The following PTGER3 variants were observed in gnomAD, a reference collection of about 807,000 sequenced individuals.
PTGER3 encodes prostaglandin E2 receptor EP3 subtype.
In PTGER3, 22 loss-of-function variants were observed where a neutral mutation model predicts 34.7. That is an observed-to-expected ratio of 0.63 (90% confidence interval 0.45 to 0.91). The LOEUF (loss-of-function observed/expected upper bound fraction) is 0.91, where lower values mean the gene tolerates loss of function less well. Ranked by LOEUF, PTGER3 falls within the 40% of genes least tolerant of loss-of-function variation. The pLI is 0.00. For synonymous variants in PTGER3, 241 were observed against 230.1 expected (o/e 1.05, Z -0.43); for missense variants, 468 against 519.4 (o/e 0.90, Z 0.96).
intron 4 of PTGER3, among the ~76,000 whole-genome samples, chr1:70,889,243 G>A (rs886218642): frequency 6.6e-6 from 1 of 151,660 alleles, no homozygotes; most frequent in African/African-American, 2.4e-5. Context: ...GTGAAACCCC[G>A]TCTCTACTAA....
Position 71,046,907 on chromosome 1 carries a change from T to A in PTGER3, c.671A>T (p.Asn224Ile), listed in dbSNP as rs1409421587. 6.2e-7 allele frequency: 1 copy of A among 1,612,078 alleles called. No individual in the cohort carries two copies. The highest frequency in any genetic ancestry group is 8.5e-7 in the Non-Finnish European group (1 of 1,179,160). ...RGGNGTSSSHNWGNLFFASAF... is the reference protein window; with the variant it reads ...RGGNGTSSSHIWGNLFFASAF... ...AGAGGCGAAGAAAAGGTTGCCCCAG[T>A]TATGCGAAGAGCTAGTCCCGTTGCC... is the stretch of plus-strand genomic sequence containing the variant. Residue 224 changes from asparagine to isoleucine, a missense_variant, in exon 1 of 4, where the codon AAC becomes ATC. By Grantham distance (149) the Asn-to-Ile change is moderately radical. Transcript: ENST00000306666.
intron 1 of PTGER3, among the ~76,000 whole-genome samples, chr1:71,027,082 T>TA (rs1326626688): frequency 6.6e-6 from 1 of 152,184 alleles, no homozygotes; most frequent in African/African-American, 2.4e-5. Flanking sequence ...CTTAAACAAG[T>TA]AATAATAAAA....
chr1:70,905,953 C>T (rs548248566), intron 4 of PTGER3, among the ~76,000 whole-genome samples: 3 of 152,218 alleles, frequency 2.0e-5, no homozygotes, highest in South Asian at 4.1e-4. Flanking sequence ...ATGGGAAGAA[C>T]CTGGTGGGAG....
At chr1:70,916,477 A>G (rs529274021) in intron 4 of PTGER3, among the ~76,000 whole-genome samples, 35 of 152,202 alleles carry the variant, frequency 2.3e-4, no homozygotes, top group East Asian at 9.6e-4. Context: ...CATAGAATCA[A>G]CCTAGGTGCC....
At chr1:71,008,762 A>T (rs113389674) in intron 2 of PTGER3, 11,308 of 964,886 alleles carry the variant, frequency 0.012, 73 homozygotes, top group Middle Eastern at 0.018. Context: ...CAAGCAATAA[A>T]CAAGCAGCTG....
chr1:70,922,943 G>C (rs995791011), intron 4 of PTGER3, among the ~76,000 whole-genome samples: 2 of 152,090 alleles, frequency 1.3e-5, no homozygotes, highest in Non-Finnish European at 2.9e-5. Flanking sequence ...TTGAGCATTA[G>C]AATAAAAGCA....
At chr1:71,041,000 A>T (rs890928901) in intron 1 of PTGER3, among the ~76,000 whole-genome samples, 1 of 152,210 alleles carries the variant, frequency 6.6e-6, no homozygotes, top group Non-Finnish European at 1.5e-5. Context: ...AGCAGGGTGC[A>T]GGAATTCACA....
At position 71,012,309 on chromosome 1, in the gene PTGER3, C is replaced by G. The variant is rs1657516150; in HGVS notation, c.1073G>C (p.Cys358Ser). 1.2e-6 allele frequency: 2 copies of G among 1,614,004 alleles called. No individual in the cohort carries two copies. Among genetic ancestry groups the G allele is most frequent in the African/African-American group, 2.7e-5 (2 of 74,932 alleles). ...GCTGGAGACAGCATTTGCTACCTGG[C>G]AAAACTTTCGAAGAAGGATCTTTCT... is the stretch of plus-strand genomic sequence containing the variant. Reference protein sequence around the residue: ...LLRKILLRKFCQIRYHTNNYA... With the variant: ...LLRKILLRKFSQIRYHTNNYA... Residue 358 changes from cysteine (C) to serine (S), a missense_variant, in exon 2 of 4, where the codon TGC (cysteine) becomes TCC (serine). Around this residue, in one of 5 missense-constraint regions of PTGER3, gnomAD observed 57 missense variants for 43.8 expected, o/e 1.30. Coordinates refer to ENST00000306666, the MANE Select transcript of PTGER3 (RefSeq NM_198719.2).
intron 2 of PTGER3, among the ~76,000 whole-genome samples, chr1:70,963,497 C>T (rs937512313): frequency 3.9e-5 from 6 of 152,196 alleles, no homozygotes; most frequent in African/African-American, 1.4e-4. Flanking sequence ...GGAAGAGGGG[C>T]CCAAACTTCA....
At chr1:71,041,377 T>C (rs935774960) in intron 1 of PTGER3, among the ~76,000 whole-genome samples, 2 of 152,216 alleles carry the variant, frequency 1.3e-5, no homozygotes, top group South Asian at 4.1e-4. Context: ...AGTATCATAC[T>C]GCATATCACT....
chr1:70,937,557 G>C (rs945971080), intron 4 of PTGER3, among the ~76,000 whole-genome samples: 1 of 152,148 alleles, frequency 6.6e-6, no homozygotes, highest in African/African-American at 2.4e-5. Flanking sequence ...ATAGTTAGGT[G>C]AAGAAGATCC....
intron 4 of PTGER3, among the ~76,000 whole-genome samples, chr1:70,901,959 C>T (rs1646849180): frequency 6.6e-6 from 1 of 152,088 alleles, no homozygotes; most frequent in Non-Finnish European, 1.5e-5. Flanking sequence ...AATAGAGACT[C>T]AAACAGCTTC....
chr1:71,013,105 G>C (rs948684848), intron 1 of PTGER3, among the ~76,000 whole-genome samples: 9 of 151,952 alleles, frequency 5.9e-5, no homozygotes, highest in Admixed American at 3.3e-4. Context: ...ACTTTTCTTT[G>C]CCCCCACCCA....
intron 4 of PTGER3, among the ~76,000 whole-genome samples, chr1:70,938,574 G>A (rs553822498): frequency 2.6e-5 from 4 of 152,124 alleles, no homozygotes; most frequent in Non-Finnish European, 4.4e-5. Flanking sequence ...CCTGAGACTG[G>A]GAAGAAAAGG....
chr1:70,946,181 C>T (rs775964583), intron 4 of PTGER3, among the ~76,000 whole-genome samples: 23 of 151,964 alleles, frequency 1.5e-4, no homozygotes, highest in Non-Finnish European at 3.1e-4. Context: ...AAGTCCCAGC[C>T]CCACCACATA....
At chr1:70,927,325 T>C (rs1180039993) in intron 4 of PTGER3, among the ~76,000 whole-genome samples, 3 of 152,160 alleles carry the variant, frequency 2.0e-5, no homozygotes, top group Non-Finnish European at 1.5e-5. Context: ...CTCTTTTTGG[T>C]TGGAACCTAC....
intron 1 of PTGER3, among the ~76,000 whole-genome samples, chr1:71,026,025 C>T (rs1057283486): frequency 6.6e-6 from 1 of 152,112 alleles, no homozygotes; most frequent in African/African-American, 2.4e-5. Flanking sequence ...ATTTAAAATA[C>T]CCCCCAGAAT....
At chr1:70,878,105 C>A (rs1473433473) in intron 4 of PTGER3, among the ~76,000 whole-genome samples, 1 of 152,024 alleles carries the variant, frequency 6.6e-6, no homozygotes, top group Non-Finnish European at 1.5e-5. Context: ...TGGTTCTGGG[C>A]TTCTTCTGGT....
chr1:70,964,708 A>T (rs594095), intron 2 of PTGER3, among the ~76,000 whole-genome samples: 91,036 of 152,072 alleles, frequency 0.6, 27,860 homozygotes, highest in East Asian at 0.72. Flanking sequence ...TCAAGCGGTT[A>T]TTCAGAAAAT....
Sources: allele counts gnomAD v4.1 joint callset (sites outside exome capture counted in the v4.1 genomes callset), GRCh38; gene constraint gnomAD v4.1.1; regional missense constraint gnomAD v4.1.1; transcripts MANE v1.5; gene names NCBI Gene and HGNC (gene_info 2026-07-23, HGNC 2026-07-21).